The following SEMA5A variants were observed in gnomAD, a reference collection of about 807,000 sequenced individuals.
SEMA5A encodes semaphorin 5A.
SEMA5A carries 55 observed loss-of-function variants against 135.5 expected under a neutral mutation model. That is an observed-to-expected ratio of 0.41 (90% CI 0.33 to 0.51). SEMA5A has a LOEUF of 0.51. Ranked by LOEUF, SEMA5A falls within the 20% of genes least tolerant of loss-of-function variation. The probability of loss-of-function intolerance (pLI) is 0.37; values close to 1 mark genes in which losing one functional copy is unlikely to be tolerated. For missense variants in SEMA5A, 1,290 were observed against 1,419.9 expected (o/e 0.91, Z 1.47); for synonymous variants, 580 against 546.5 (o/e 1.06, Z -0.85).
intron 3 of SEMA5A, among the ~76,000 whole-genome samples, chr5:9,344,288 T>C (rs1023935641): frequency 6.6e-6 from 1 of 152,176 alleles, no homozygotes; most frequent in African/African-American, 2.4e-5. Flanking sequence ...AAACATGACA[T>C]AAGGAATAAG....
At position 9,108,267 on chromosome 5, in the gene SEMA5A, A is replaced by C; in HGVS notation, c.1946T>G (p.Leu649Arg). The C allele has an allele frequency of 6.2e-7, 1 of 1,614,188 alleles. No individual in the cohort carries two copies. Among genetic ancestry groups the C allele is most frequent in the South Asian group, 1.1e-5 (1 of 91,080 alleles). ...REERYCNEHL[L>R]CPPHMFWTGW... ...TGTCCAGAACATGTGTGGGGGACATAGCAAATGTTCATTGCAGTATCTGTA... is the reference window on the plus strand; with the variant it reads ...TGTCCAGAACATGTGTGGGGGACATCGCAAATGTTCATTGCAGTATCTGTA... The change falls in exon 16 of 23, where the codon CTA (leucine) becomes CGA (arginine). Residue 649 changes from leucine to arginine, a missense_variant. Coordinates refer to ENST00000382496, the MANE Select transcript of SEMA5A (RefSeq NM_003966.3).
chr5:9,281,152 C>G (rs1579273186), intron 5 of SEMA5A, among the ~76,000 whole-genome samples: 1 of 152,106 alleles, frequency 6.6e-6, no homozygotes, highest in East Asian at 1.9e-4. Context: ...GGAAAATACA[C>G]AAAAATGATA....
intron 6 of SEMA5A, among the ~76,000 whole-genome samples, chr5:9,236,116 A>C (rs1390983934): frequency 6.6e-6 from 1 of 152,134 alleles, no homozygotes; most frequent in African/African-American, 2.4e-5. Context: ...ACCTTCCCCC[A>C]GGTCTCTTCT....
At chr5:9,132,742 G>A (rs757781250) in intron 13 of SEMA5A, among the ~76,000 whole-genome samples, 5 of 152,250 alleles carry the variant, frequency 3.3e-5, no homozygotes, top group Non-Finnish European at 7.3e-5. Context: ...ACACAAGAGG[G>A]TCTGAGGTTG....
At chr5:9,142,460 T>A (rs1033917248) in intron 12 of SEMA5A, among the ~76,000 whole-genome samples, 7 of 152,168 alleles carry the variant, frequency 4.6e-5, no homozygotes, top group Admixed American at 4.6e-4. Context: ...TCCTTGCAAG[T>A]GTTGCATACT....
chr5:9,050,604 T>C, intron 20 of SEMA5A, 147 bp from the exon 21 acceptor site: 1 of 724,084 alleles, frequency 1.4e-6, no homozygotes, highest in South Asian at 2.7e-5. Flanking sequence ...AAAATTCTAC[T>C]TGTTTCTTTG....
chr5:9,380,427 C>T (rs539211087), intron 2 of SEMA5A, among the ~76,000 whole-genome samples: 60 of 152,296 alleles, frequency 3.9e-4, no homozygotes, highest in African/African-American at 1.4e-3. Context: ...CCTACAAATA[C>T]CTGCCCATCC....
At chr5:9,198,631 T>C (rs1745542531) in intron 9 of SEMA5A, among the ~76,000 whole-genome samples, 1 of 152,116 alleles carries the variant, frequency 6.6e-6, no homozygotes, top group Non-Finnish European at 1.5e-5. Context: ...CTCAGCATGA[T>C]GCATACAGGG....
intron 2 of SEMA5A, among the ~76,000 whole-genome samples, chr5:9,381,062 G>T (rs1431345291): frequency 1.3e-5 from 2 of 152,236 alleles, no homozygotes; most frequent in African/African-American, 4.8e-5. Flanking sequence ...AGAGCTTACA[G>T]AGTAGGTTAA....
At chr5:9,103,820 T>C (rs1739759110) in intron 16 of SEMA5A, among the ~76,000 whole-genome samples, 1 of 152,220 alleles carries the variant, frequency 6.6e-6, no homozygotes, top group Non-Finnish European at 1.5e-5. Context: ...CTTTCATGTG[T>C]TGTAATTTTC....
chr5:9,086,638 A>G (rs1431961196), intron 16 of SEMA5A, among the ~76,000 whole-genome samples: 1 of 152,224 alleles, frequency 6.6e-6, no homozygotes, highest in Non-Finnish European at 1.5e-5. Context: ...CAGTGTGAAA[A>G]CGGACTAATA....
At chr5:9,049,060 G>T (rs1736420861) in intron 21 of SEMA5A, among the ~76,000 whole-genome samples, 1 of 152,188 alleles carries the variant, frequency 6.6e-6, no homozygotes, top group Non-Finnish European at 1.5e-5. Flanking sequence ...CAGGTGTTCA[G>T]CAAGGATTAC....
rs557556690 is a variant in SEMA5A at position 9,151,003 on chromosome 5, G to A, written c.1481+3485C>T. Among the ~76,000 whole-genome samples, 20 of 152,236 alleles carry A rather than the reference G, an allele frequency of 1.3e-4. No homozygotes were observed. The South Asian group carries it at 2.7e-3, about 21-fold the overall frequency. On this transcript the variant is annotated intron_variant, in intron 12 of 22. Coordinates refer to ENST00000382496, the MANE Select transcript of SEMA5A (RefSeq NM_003966.3). The stretch of plus-strand genomic sequence containing the variant: ...TACAACATGGGCCTGGGGCAGTCTC[G>A]GCTCTGACCCAGGTCTCATGTTGCA...
chr5:9,237,787 C>A (rs1229300197), intron 6 of SEMA5A, 41 bp downstream of exon 6: 1 of 1,591,814 alleles, frequency 6.3e-7, no homozygotes, highest in Non-Finnish European at 8.6e-7. Context: ...TAGAGTCCTT[C>A]AAGACAGGGT....
chr5:9,297,230 T>C (rs1751381990), intron 5 of SEMA5A, among the ~76,000 whole-genome samples: 1 of 150,452 alleles, frequency 6.6e-6, no homozygotes, highest in South Asian at 2.1e-4. Flanking sequence ...ACACATACTT[T>C]TTCCTAAGTT....
At chr5:9,282,515 C>T (rs535577343) in intron 5 of SEMA5A, among the ~76,000 whole-genome samples, 1 of 152,270 alleles carries the variant, frequency 6.6e-6, no homozygotes, top group African/African-American at 2.4e-5. Context: ...AAATGACACA[C>T]TCCTCTCTGA....
chr5:9,364,421 C>T (rs1413566696), intron 3 of SEMA5A, among the ~76,000 whole-genome samples: 1 of 152,232 alleles, frequency 6.6e-6, no homozygotes, highest in African/African-American at 2.4e-5. Flanking sequence ...TTCTTTTCAT[C>T]TAATATTTTC....
intron 21 of SEMA5A, 33 bp from the exon 22 acceptor site, chr5:9,044,617 T>C: frequency 6.4e-7 from 1 of 1,567,716 alleles, no homozygotes; most frequent in Non-Finnish European, 8.8e-7. Flanking sequence ...ATGCCACACT[T>C]GAAAAGAACA....
intron 1 of SEMA5A, chr5:9,517,652 G>C (rs1019082731): frequency 1.3e-5 from 2 of 152,214 alleles, no homozygotes; most frequent in Non-Finnish European, 2.9e-5. Context: ...TTGACTAAGA[G>C]AAGGGTTTTA....
Sources: gnomAD v4.1 joint callset for allele counts (sites outside exome capture counted in the v4.1 genomes callset) on GRCh38, gnomAD v4.1.1 for gene constraint, MANE v1.5 for transcripts, NCBI Gene and HGNC (gene_info 2026-07-23, HGNC 2026-07-21) for gene names.